SP4: variants seen among roughly 807,000 people sequenced by gnomAD.
SP4 encodes Sp4 transcription factor, also known as transcription factor Sp4.
Under a neutral mutation model 72.8 loss-of-function variants are expected in SP4, and 19 were observed. The observed-to-expected ratio is 0.26, with a 90% CI of 0.18 to 0.38. The LOEUF (loss-of-function observed/expected upper bound fraction) is 0.38. Among genes scored for constraint, SP4 ranks in the 10% least tolerant of loss-of-function variants. The probability of loss-of-function intolerance (pLI) is 1.00; values close to 1 mark genes in which losing one functional copy is unlikely to be tolerated. For missense variants in SP4, 1,008 were observed against 926.3 expected (o/e 1.09, Z -1.14); for synonymous variants, 395 against 333.1 (o/e 1.19, Z -2.02).
Position 21,470,330 on chromosome 7 carries a change from A to G in SP4, c.1679-6749A>G, listed in dbSNP as rs141392453. Among the ~76,000 whole-genome samples, 1,410 of 152,316 alleles carry G rather than the reference A, an allele frequency of 9.3e-3. 26 individuals are homozygous for G. Among genetic ancestry groups the G allele is most frequent in the African/African-American group, 0.032 (1,320 of 41,558 alleles). On this transcript the variant is annotated intron_variant, in intron 3 of 5. Transcript: ENST00000222584. ...GAGCAGCTTTTGTTGGAAATAATTTATGACTAATATTATGATGGAGTGAGA... is the reference window on the plus strand; with the variant it reads ...GAGCAGCTTTTGTTGGAAATAATTTGTGACTAATATTATGATGGAGTGAGA...
At chr7:21,461,508 C>T (rs910207133) in intron 3 of SP4, among the ~76,000 whole-genome samples, 1 of 152,206 alleles carries the variant, frequency 6.6e-6, no homozygotes, top group Non-Finnish European at 1.5e-5. Flanking sequence ...CGGGGGCCAG[C>T]AGGGCCGGCC....
chr7:21,447,330 C>T (rs1783459628), intron 3 of SP4, among the ~76,000 whole-genome samples: 1 of 152,232 alleles, frequency 6.6e-6, no homozygotes, highest in South Asian at 2.1e-4. Flanking sequence ...CTTGCCATCT[C>T]ACTTTGGGTA....
intron 5 of SP4, among the ~76,000 whole-genome samples, chr7:21,500,231 G>A (rs539808605): frequency 5.3e-5 from 8 of 152,110 alleles, no homozygotes; most frequent in Admixed American, 1.3e-4. Context: ...TGTTCTTGAC[G>A]TACTTTGGAT....
At chr7:21,477,548 C>T (rs1485520818) in intron 4 of SP4, among the ~76,000 whole-genome samples, 1 of 151,506 alleles carries the variant, frequency 6.6e-6, no homozygotes, top group Admixed American at 6.6e-5. Context: ...CCCTCCCCCA[C>T]CCCAACAAGA....
At chr7:21,457,445 ATACTT>A in intron 3 of SP4, among the ~76,000 whole-genome samples, 1 of 152,320 alleles carries the variant, frequency 6.6e-6, no homozygotes, top group East Asian at 1.9e-4. Context: ...TGCTTAATGA[ATACTT>A]TACTGAGTAG....
intron 3 of SP4, among the ~76,000 whole-genome samples, chr7:21,451,902 G>A (rs1783612843): frequency 6.6e-6 from 1 of 152,220 alleles, no homozygotes; most frequent in Non-Finnish European, 1.5e-5. Flanking sequence ...GGTGGCTGCA[G>A]TCATGCCAGC....
chr7:21,466,487 G>A (rs1784172080), intron 3 of SP4, among the ~76,000 whole-genome samples: 1 of 152,138 alleles, frequency 6.6e-6, no homozygotes. Context: ...AAACTGCAGG[G>A]AGAATCAGAA....
Position 21,443,166 on chromosome 7 carries a change from C to G in SP4, c.1678+12323C>G, listed in dbSNP as rs11971316. On this transcript the variant is annotated intron_variant, in intron 3 of 5. Coordinates refer to ENST00000222584, the MANE Select transcript of SP4 (RefSeq NM_003112.5). ...TAAGTATGTGTATTAATTTATAATT[C>G]TATTTTTTCTCACACCTTGATGAGC... Among the ~76,000 whole-genome samples the G allele has an allele frequency of 8.4e-3, 1,275 of 152,230 alleles. 10 individuals carry two copies. Among genetic ancestry groups the G allele is most frequent in the Non-Finnish European group, 0.011 (747 of 67,998 alleles).
At chr7:21,464,910 A>G (rs1784121316) in intron 3 of SP4, among the ~76,000 whole-genome samples, 1 of 152,268 alleles carries the variant, frequency 6.6e-6, no homozygotes, top group Non-Finnish European at 1.5e-5. Flanking sequence ...AATTTCACAT[A>G]GAATTAGCCA....
Position 21,428,605 on chromosome 7 carries a change from G to A in SP4, c.8-72G>A, listed in dbSNP as rs1583364083. On this transcript the variant is annotated intron_variant, in intron 1 of 5. Transcript: ENST00000222584. The stretch of plus-strand genomic sequence containing the variant: ...TTCGGGGGGAGGGGGGAGAAGAGGA[G>A]AGGAAGAAGACGAATAATAATAATC... 6 of 1,412,976 alleles carry A rather than the reference G, an allele frequency of 4.2e-6. No individual in the cohort carries two copies. In the East Asian group the frequency reaches 1.5e-4, roughly 35 times the overall value. 87.5% of individuals were successfully genotyped at this position (1,412,976 alleles called of 1,614,324 possible). A position where few individuals can be genotyped will look rare whatever the true frequency, so the allele number is the denominator to read the frequency against.
intron 3 of SP4, among the ~76,000 whole-genome samples, chr7:21,434,420 A>AG: frequency 6.6e-6 from 1 of 152,026 alleles, no homozygotes; most frequent in South Asian, 2.1e-4. Flanking sequence ...GCAACAACCT[A>AG]GGGGGATCCT....
rs778731500 is a variant in SP4, at chr7:21,429,763, T to C, written c.598T>C (p.Ser200Pro). The stretch of plus-strand genomic sequence containing the variant: ...TTTGCAGGGTCAAATTCAGCTCATT[T>C]CTGCAGGTAATAATCAAGCTATACT... ...QDLQGQIQLI[S>P]AGNNQAILTA... Residue 200 changes from serine (S) to proline (P), a missense_variant, in exon 3 of 6, where the codon TCT becomes CCT. Transcript: ENST00000222584. 16 of 1,614,044 alleles carry C rather than the reference T, an allele frequency of 9.9e-6. No individual in the cohort carries two copies. The East Asian group carries it at 3.3e-4, about 34-fold the overall frequency.
Position 21,429,732 on chromosome 7 carries a change from A to G in SP4, c.567A>G (p.Leu189=), listed in dbSNP as rs990773620. 12 of 1,614,180 alleles carry G rather than the reference A, an allele frequency of 7.4e-6. No individual in the cohort carries two copies. Among genetic ancestry groups the G allele is most frequent in the South Asian group, 6.6e-5 (6 of 91,084 alleles). The change falls in exon 3 of 6, where the codon CTA becomes CTG. Residue 189 remains leucine (L), a synonymous_variant. Transcript: ENST00000222584. ...IQINPTSSSS[L]QDLQGQIQLI... ...TCAATCCAACTAGTAGTTCATCTCT[A>G]CAGGATTTGCAGGGTCAAATTCAGC...
At chr7:21,489,553 C>CTT (rs1193080485) in intron 5 of SP4, among the ~76,000 whole-genome samples, 163 of 82,520 alleles carry the variant, frequency 2.0e-3, no homozygotes, top group Middle Eastern at 7.7e-3. Context: ...TTTCTTTTTT[C>CTT]TTTTTTTTTT....
intron 3 of SP4, among the ~76,000 whole-genome samples, chr7:21,468,398 T>C (rs1784233557): frequency 2.6e-5 from 4 of 152,156 alleles, no homozygotes; most frequent in South Asian, 4.1e-4. Flanking sequence ...CAAGAACATA[T>C]ATTTCTCTCT....
chr7:21,493,067 G>T (rs1184265318), intron 5 of SP4, among the ~76,000 whole-genome samples: 2 of 152,158 alleles, frequency 1.3e-5, no homozygotes, highest in Non-Finnish European at 2.9e-5. Flanking sequence ...AGGCATGGTG[G>T]CATGTGCCTG....
chr7:21,475,930 A>T (rs1241967822), intron 3 of SP4, among the ~76,000 whole-genome samples: 1 of 152,118 alleles, frequency 6.6e-6, no homozygotes, highest in Non-Finnish European at 1.5e-5. Flanking sequence ...TGTTATTCCC[A>T]CACCTGATGG....
At position 21,467,773 on chromosome 7, in the gene SP4, T is replaced by C. The variant is rs1029115169; in HGVS notation, c.1679-9306T>C. On this transcript the variant is annotated intron_variant, in intron 3 of 5. Transcript: ENST00000222584. Reference sequence around the variant, plus strand: ...TCAGTTAAGAATCATTTTAGTATTATTCAGAACAGAAAAAATCCCACTGCC... The same window carrying C: ...TCAGTTAAGAATCATTTTAGTATTACTCAGAACAGAAAAAATCCCACTGCC... Among the ~76,000 whole-genome samples the C allele has an allele frequency of 5.9e-5, 9 of 152,242 alleles. No individual in the cohort carries two copies. The South Asian group carries it at 1.7e-3, about 28-fold the overall frequency.
intron 3 of SP4, among the ~76,000 whole-genome samples, chr7:21,461,527 A>G (rs1166080961): frequency 6.6e-6 from 1 of 152,164 alleles, no homozygotes; most frequent in Non-Finnish European, 1.5e-5. Flanking sequence ...CCGGCAGGCC[A>G]GCCGCTCCAA....
Sources: gnomAD v4.1 joint callset for allele counts (sites outside exome capture counted in the v4.1 genomes callset) on GRCh38, gnomAD v4.1.1 for gene constraint, MANE v1.5 for transcripts, NCBI Gene and HGNC (gene_info 2026-07-23, HGNC 2026-07-21) for gene names.